UNC13C: variants seen among roughly 807,000 people sequenced by gnomAD.
The protein encoded by UNC13C is unc-13 homolog C, also known as protein unc-13 homolog C.
Under a neutral mutation model 245.4 loss-of-function variants are expected in UNC13C, and 174 were observed. The ratio of observed to expected loss-of-function variants is 0.71; its 90% CI spans 0.63 to 0.80. UNC13C has a LOEUF of 0.80. UNC13C is among the 30% of genes least tolerant of loss of function. UNC13C has a pLI of 0.00. For missense variants in UNC13C, 2,829 were observed against 2,602.9 expected (o/e 1.09, Z -1.89); for synonymous variants, 992 against 895.1 (o/e 1.11, Z -1.93).
intron 19 of UNC13C, among the ~76,000 whole-genome samples, chr15:54,419,006 T>A (rs1300064002): frequency 6.6e-6 from 1 of 152,128 alleles, no homozygotes; most frequent in East Asian, 1.9e-4. Flanking sequence ...GTTTTGTATA[T>A]CTGGAGTAGA....
chr15:54,527,622 T>A (rs1444578455), intron 25 of UNC13C, among the ~76,000 whole-genome samples: 1 of 152,152 alleles, frequency 6.6e-6, no homozygotes, highest in African/African-American at 2.4e-5. Context: ...TAAACCACAG[T>A]TATGAAAGAA....
intron 18 of UNC13C, among the ~76,000 whole-genome samples, chr15:54,398,891 T>C (rs1038648888): frequency 1.3e-4 from 20 of 151,726 alleles, no homozygotes; most frequent in African/African-American, 4.8e-4. Flanking sequence ...ATTTTACTGG[T>C]CTTAAGAAAC....
At chr15:54,617,466 C>T (rs1166428460) in intron 30 of UNC13C, among the ~76,000 whole-genome samples, 2 of 151,964 alleles carry the variant, frequency 1.3e-5, no homozygotes, top group Non-Finnish European at 2.9e-5. Context: ...CTCAGCTTTG[C>T]TCTTTATTGA....
intron 2 of UNC13C, among the ~76,000 whole-genome samples, chr15:54,025,064 A>T (rs1211134827): frequency 6.6e-6 from 1 of 152,234 alleles, no homozygotes; most frequent in Non-Finnish European, 1.5e-5. Context: ...GCAGATTCAA[A>T]CAACTGTGAA....
chr15:54,143,128 C>T, intron 3 of UNC13C, 88 bp downstream of exon 3: 2 of 1,294,006 alleles, frequency 1.5e-6, no homozygotes, highest in Admixed American at 3.5e-5. Context: ...TTTGATTCCT[C>T]TGTTTTAGTT....
chr15:54,394,266 T>A (rs568223947), intron 18 of UNC13C, among the ~76,000 whole-genome samples: 36 of 151,712 alleles, frequency 2.4e-4, no homozygotes, highest in Admixed American at 1.3e-3. Flanking sequence ...GTGGAGAGAG[T>A]GGTCCTATTT....
At chr15:54,584,398 C>T (rs1473034762) in intron 30 of UNC13C, among the ~76,000 whole-genome samples, 1 of 152,112 alleles carries the variant, frequency 6.6e-6, no homozygotes, top group South Asian at 2.1e-4. Flanking sequence ...ATAAATACCT[C>T]GAATTCTTTA....
At chr15:53,898,866 G>A in the UNC13C span, among the ~76,000 whole-genome samples, 2 of 151,782 alleles carry the variant, frequency 1.3e-5, no homozygotes, top group Non-Finnish European at 1.5e-5. Flanking sequence ...GACTATATTC[G>A]CTATGCTGTA....
chr15:54,081,223 T>G (rs962451787), intron 2 of UNC13C, among the ~76,000 whole-genome samples: 5 of 152,064 alleles, frequency 3.3e-5, no homozygotes, highest in Admixed American at 1.3e-4. Context: ...TATGACCATT[T>G]TAGAGGTTGT....
At chr15:54,508,427 A>C (rs111435212) in intron 23 of UNC13C, among the ~76,000 whole-genome samples, 5,082 of 152,206 alleles carry the variant, frequency 0.033, 318 homozygotes, top group African/African-American at 0.12. Context: ...TTTTACATTT[A>C]ATAAACACTG....
chr15:54,401,865 T>G (rs1306968193), intron 18 of UNC13C, among the ~76,000 whole-genome samples: 1 of 152,106 alleles, frequency 6.6e-6, no homozygotes, highest in Non-Finnish European at 1.5e-5. Flanking sequence ...TTTTCTTGGG[T>G]TCCAGTACAA....
At chr15:53,950,498 T>C in the UNC13C span, among the ~76,000 whole-genome samples, 1 of 151,926 alleles carries the variant, frequency 6.6e-6, no homozygotes, top group Non-Finnish European at 1.5e-5. Context: ...TCCAGTATAA[T>C]TCTTCAGTAC....
intron 24 of UNC13C, among the ~76,000 whole-genome samples, chr15:54,516,814 T>G (rs1283987533): frequency 5.6e-5 from 4 of 71,858 alleles, no homozygotes; most frequent in East Asian, 3.5e-4. Context: ...AAAAAAAAAG[T>G]ATCAGATAAT....
At chr15:54,354,505 C>T (rs2039051390) in intron 17 of UNC13C, among the ~76,000 whole-genome samples, 1 of 152,154 alleles carries the variant, frequency 6.6e-6, no homozygotes, top group South Asian at 2.1e-4. Context: ...TGTCACTCTC[C>T]ATCTGCTTGC....
chr15:54,315,812 A>G (rs2037993617), intron 13 of UNC13C, among the ~76,000 whole-genome samples: 2 of 151,806 alleles, frequency 1.3e-5, no homozygotes, highest in South Asian at 4.1e-4. Context: ...TCAAACTAGA[A>G]CCTTGAAACT....
At chr15:54,444,632 T>C (rs1890706736) in intron 19 of UNC13C, among the ~76,000 whole-genome samples, 3 of 151,824 alleles carry the variant, frequency 2.0e-5, no homozygotes, top group African/African-American at 7.2e-5. Context: ...TTATTTATTA[T>C]TGTGGTTTGG....
intron 13 of UNC13C, chr15:54,321,122 TAG>T (rs1308044287): frequency 1.9e-6 from 1 of 515,698 alleles, no homozygotes; most frequent in East Asian, 5.4e-5. Flanking sequence ...GGTGAGGCAC[TAG>T]CCATCTCTTG....
At chr15:53,968,684 T>G in the UNC13C span, among the ~76,000 whole-genome samples, 1 of 152,174 alleles carries the variant, frequency 6.6e-6, no homozygotes, top group Admixed American at 6.5e-5. Flanking sequence ...AGCCTTCCTT[T>G]TGTTTGTAAT....
the UNC13C span, among the ~76,000 whole-genome samples, chr15:53,926,174 T>C: frequency 2.2e-3 from 334 of 152,226 alleles, 1 homozygote; most frequent in African/African-American, 7.4e-3. Flanking sequence ...CAGAGGTGCT[T>C]TCTGAAGAAG....
Sources: allele counts gnomAD v4.1 joint callset (sites outside exome capture counted in the v4.1 genomes callset), GRCh38; gene constraint gnomAD v4.1.1; transcripts MANE v1.5; gene names NCBI Gene and HGNC (gene_info 2026-07-23, HGNC 2026-07-21).